HIBADH: variants seen among roughly 807,000 people sequenced by gnomAD.
HIBADH encodes 3-hydroxyisobutyrate dehydrogenase.
A neutral mutation model predicts 36.1 loss-of-function variants in HIBADH; 25 were observed. That is an observed-to-expected ratio of 0.69 (90% CI 0.50 to 0.97). The LOEUF is 0.97. Ranked by LOEUF, HIBADH falls within the 50% of genes least tolerant of loss-of-function variation. HIBADH has a pLI of 0.00. For missense variants in HIBADH, 421 were observed against 418.0 expected (o/e 1.01, Z -0.06); for synonymous variants, 160 against 149.5 (o/e 1.07, Z -0.51).
chr7:27,649,311 T>G, intron 2 of HIBADH, 162 bp downstream of exon 2: 1 of 526,986 alleles, frequency 1.9e-6, no homozygotes, highest in African/African-American at 1.9e-5. Flanking sequence ...TCTCCTTTAC[T>G]GCAAATCTGG....
intron 4 of HIBADH, among the ~76,000 whole-genome samples, chr7:27,562,924 TATC>T (rs1442177321): frequency 5.3e-5 from 8 of 152,204 alleles, no homozygotes; most frequent in East Asian, 3.8e-4. Flanking sequence ...ATTTTGAAAT[TATC>T]ATGCTGTAAA....
intron 1 of HIBADH, among the ~76,000 whole-genome samples, chr7:27,654,932 G>T (rs1350048947): frequency 6.6e-6 from 1 of 152,002 alleles, no homozygotes. Context: ...AGCAATCAGT[G>T]GGCCTCAGCC....
chr7:27,642,641 AGTTTTTT>A (rs1489037214), intron 2 of HIBADH, among the ~76,000 whole-genome samples: 1 of 123,296 alleles, frequency 8.1e-6, no homozygotes, highest in African/African-American at 3.0e-5. Flanking sequence ...CTAAATGTCT[AGTTTTTT>A]TTTTTTTTTT....
intron 3 of HIBADH, among the ~76,000 whole-genome samples, chr7:27,630,091 C>A (rs530731328): frequency 2.6e-5 from 4 of 152,212 alleles, no homozygotes; most frequent in Admixed American, 2.0e-4. Flanking sequence ...GGAAATCTCA[C>A]AGTCTTTTTG....
intron 1 of HIBADH, among the ~76,000 whole-genome samples, chr7:27,661,656 T>A (rs1358413921): frequency 6.6e-6 from 1 of 151,500 alleles, no homozygotes; most frequent in Non-Finnish European, 1.5e-5. Flanking sequence ...ATTTTTTTTT[T>A]AAGCAAAGAT....
chr7:27,560,934 G>A (rs548062851), intron 4 of HIBADH, among the ~76,000 whole-genome samples: 1 of 152,202 alleles, frequency 6.6e-6, no homozygotes, highest in Admixed American at 6.5e-5. Context: ...AGTGCAAAAG[G>A]GTTCTAATTT....
intron 4 of HIBADH, among the ~76,000 whole-genome samples, chr7:27,600,007 C>G (rs1360790312): frequency 6.6e-6 from 1 of 152,068 alleles, no homozygotes; most frequent in East Asian, 1.9e-4. Context: ...AGATAAGTAA[C>G]TTCTTATTTC....
intron 1 of HIBADH, among the ~76,000 whole-genome samples, chr7:27,650,107 C>T (rs1198696689): frequency 6.6e-6 from 1 of 152,036 alleles, no homozygotes; most frequent in Admixed American, 6.5e-5. Flanking sequence ...TTATAAAACA[C>T]CTAATATGTA....
At chr7:27,649,755 A>G (rs1247302840) in intron 1 of HIBADH, 122 bp from the exon 2 acceptor site, 1 of 877,810 alleles carries the variant, frequency 1.1e-6, no homozygotes. Flanking sequence ...TTCAGGAACC[A>G]GGTGCAGTGG....
chr7:27,603,008 G>A (rs1785158547), intron 4 of HIBADH, among the ~76,000 whole-genome samples: 2 of 151,996 alleles, frequency 1.3e-5, no homozygotes, highest in Admixed American at 1.3e-4. Context: ...ATCAGATACA[G>A]CCAGGCCCAG....
chr7:27,632,365 T>G lies in HIBADH; in HGVS notation c.333A>C (p.Glu111Asp). 1 of 1,612,234 alleles carries G rather than the reference T, an allele frequency of 6.2e-7. No homozygotes were observed. Among genetic ancestry groups the G allele is most frequent in the South Asian group, 1.1e-5 (1 of 91,030 alleles). ...TMLPTSINAI[E>D]AYSGANGILK... is the part of the protein sequence containing the mutation. ...GAATCCCATTTGCTCCGGAATAAGC[T>G]TCTATTGCATTGATACTGGTGGGCA... Residue 111 changes from glutamate (E) to aspartate (D), a missense_variant, in exon 3 of 8, where the codon GAA becomes GAC. Physicochemically the swap from Glu to Asp is conservative, Grantham distance 45. Coordinates refer to ENST00000265395, the MANE Select transcript of HIBADH (RefSeq NM_152740.4).
At chr7:27,558,112 T>C (rs1488101392) in intron 4 of HIBADH, among the ~76,000 whole-genome samples, 1 of 152,176 alleles carries the variant, frequency 6.6e-6, no homozygotes, top group African/African-American at 2.4e-5. Flanking sequence ...TCTTATCTTA[T>C]TCTTGATGCT....
chr7:27,556,896 AGAGGATAAAG>A (rs2128186219), intron 4 of HIBADH, among the ~76,000 whole-genome samples: 1 of 152,306 alleles, frequency 6.6e-6, no homozygotes, highest in Non-Finnish European at 1.5e-5. Context: ...GCAGGAGGAT[AGAGGATAAAG>A]GAGGATAGAA....
At chr7:27,649,050 G>A (rs1786128320) in intron 2 of HIBADH, among the ~76,000 whole-genome samples, 1 of 152,186 alleles carries the variant, frequency 6.6e-6, no homozygotes, top group Non-Finnish European at 1.5e-5. Flanking sequence ...CCCCCAGTAA[G>A]AAAGCATGTA....
intron 4 of HIBADH, among the ~76,000 whole-genome samples, chr7:27,613,304 T>TTATA (rs5883096): frequency 7.0e-6 from 1 of 142,632 alleles, no homozygotes; most frequent in Admixed American, 7.3e-5. Context: ...ACATTTTGTT[T>TTATA]TATATATATA....
chr7:27,647,147 G>A (rs531571234), intron 2 of HIBADH, among the ~76,000 whole-genome samples: 2 of 152,146 alleles, frequency 1.3e-5, no homozygotes, highest in Admixed American at 6.5e-5. Context: ...TAAAATAAGG[G>A]TTACCTGAAA....
chr7:27,541,444 A>G lies in HIBADH; in HGVS notation c.618+1523T>C, dbSNP rs114539585. Among the ~76,000 whole-genome samples the G allele has an allele frequency of 7.1e-3, 1,076 of 152,324 alleles. 13 individuals are homozygous for G. Among genetic ancestry groups the G allele is most frequent in the African/African-American group, 0.025 (1,020 of 41,572 alleles). On this transcript the variant is annotated intron_variant, in intron 5 of 7. Coordinates refer to ENST00000265395, the MANE Select transcript of HIBADH (RefSeq NM_152740.4). ...GTATGCCTTTCTACAGCAATCCTGC[A>G]TCTACATAAAAGCTGCATTTTCAAT...
intron 4 of HIBADH, among the ~76,000 whole-genome samples, chr7:27,556,711 C>T (rs1009535751): frequency 6.6e-6 from 1 of 152,204 alleles, no homozygotes; most frequent in Admixed American, 6.5e-5. Flanking sequence ...AGTACCTATA[C>T]ATACAAAGGT....
rs371173609 is a variant in HIBADH, at chr7:27,558,381, G to T, written c.485-15281C>A. 7.9e-5 allele frequency among the ~76,000 whole-genome samples: 12 copies of T among 152,254 alleles called. No homozygotes were observed. The East Asian group carries it at 2.3e-3, about 29-fold the overall frequency. ...CTCGCTCGGTCACCCTGGCTGGAGT[G>T]TGGTGGTACAATCTCGACTCACTGC... On this transcript the variant is annotated intron_variant, in intron 4 of 7. Coordinates refer to ENST00000265395, the MANE Select transcript of HIBADH (RefSeq NM_152740.4).
Sources: allele counts gnomAD v4.1 joint callset (sites outside exome capture counted in the v4.1 genomes callset), GRCh38; gene constraint gnomAD v4.1.1; transcripts MANE v1.5; gene names NCBI Gene and HGNC (gene_info 2026-07-23, HGNC 2026-07-21).